ERBB4: variants seen among roughly 807,000 people sequenced by gnomAD.
ERBB4 encodes the protein erb-b2 receptor tyrosine kinase 4.
Under a neutral mutation model 158.0 loss-of-function variants are expected in ERBB4, and 42 were observed. The observed-to-expected ratio is 0.27, with a 90% CI of 0.21 to 0.34. ERBB4 has a LOEUF of 0.34. ERBB4 is among the 10% of genes least tolerant of loss of function. The pLI is 1.00. For synonymous variants in ERBB4, 583 were observed against 558.7 expected (o/e 1.04, Z -0.61); for missense variants, 1,333 against 1,624.1 (o/e 0.82, Z 3.08).
intron 1 of ERBB4, among the ~76,000 whole-genome samples, chr2:212,347,481 A>T (rs959800390): frequency 1.3e-5 from 2 of 152,156 alleles, no homozygotes; most frequent in African/African-American, 4.8e-5. Context: ...TGGAATAGAA[A>T]TAGTGTGACT....
chr2:211,653,152 A>G (rs182786428), intron 16 of ERBB4, among the ~76,000 whole-genome samples: 330 of 152,324 alleles, frequency 2.2e-3, no homozygotes, highest in African/African-American at 7.6e-3. Context: ...GATGGAAAAG[A>G]AAAACCACCA....
At chr2:212,491,564 G>C (rs1690280375) in intron 1 of ERBB4, among the ~76,000 whole-genome samples, 1 of 151,534 alleles carries the variant, frequency 6.6e-6, no homozygotes. Flanking sequence ...GGTCTATCTT[G>C]GTAGATATAA....
intron 1 of ERBB4, among the ~76,000 whole-genome samples, chr2:212,423,875 A>G (rs2091850689): frequency 1.3e-5 from 2 of 152,304 alleles, no homozygotes; most frequent in East Asian, 3.9e-4. Flanking sequence ...CCAATGCTAC[A>G]GGAGAGTGTG....
chr2:211,842,602 G>T (rs1559565581), intron 3 of ERBB4, among the ~76,000 whole-genome samples: 1 of 151,836 alleles, frequency 6.6e-6, no homozygotes, highest in Admixed American at 6.6e-5. Context: ...CAAAGGAACT[G>T]CCATTAAACC....
At chr2:212,172,810 T>C (rs1038439293) in intron 1 of ERBB4, among the ~76,000 whole-genome samples, 2 of 151,310 alleles carry the variant, frequency 1.3e-5, no homozygotes, top group Admixed American at 1.3e-4. Context: ...AGGGAGGGGG[T>C]CAGGAAGAAT....
At chr2:211,739,051 T>C (rs1391025986) in intron 5 of ERBB4, among the ~76,000 whole-genome samples, 3 of 152,190 alleles carry the variant, frequency 2.0e-5, no homozygotes, top group Non-Finnish European at 4.4e-5. Flanking sequence ...CTTCCAGTTA[T>C]ATCACATGTT....
chr2:212,255,813 T>C (rs1038192688), intron 1 of ERBB4, among the ~76,000 whole-genome samples: 4 of 151,932 alleles, frequency 2.6e-5, no homozygotes, highest in African/African-American at 9.7e-5. Context: ...TAGGTGCACA[T>C]AGAATACTTT....
intron 20 of ERBB4, among the ~76,000 whole-genome samples, chr2:211,515,758 C>G (rs1477253302): frequency 1.3e-5 from 2 of 150,988 alleles, no homozygotes; most frequent in African/African-American, 4.9e-5. Flanking sequence ...GATGCCCCTA[C>G]TGTACCACAC....
At chr2:211,614,157 A>T (rs903704810) in intron 19 of ERBB4, among the ~76,000 whole-genome samples, 1 of 152,100 alleles carries the variant, frequency 6.6e-6, no homozygotes, top group African/African-American at 2.4e-5. Flanking sequence ...GTTAAGTGAA[A>T]TCAGCAAGGC....
intron 3 of ERBB4, among the ~76,000 whole-genome samples, chr2:211,850,560 T>C (rs2077693180): frequency 1.3e-5 from 2 of 151,954 alleles, no homozygotes; most frequent in South Asian, 4.1e-4. Context: ...CCAGAACAGA[T>C]GCCTAGTTGG....
chr2:212,306,466 T>G (rs1342950734), intron 1 of ERBB4, among the ~76,000 whole-genome samples: 1 of 151,418 alleles, frequency 6.6e-6, no homozygotes, highest in Non-Finnish European at 1.5e-5. Flanking sequence ...CCCCATTTCT[T>G]TATTTAATTA....
At chr2:211,501,094 T>A (rs2065603012) in intron 20 of ERBB4, among the ~76,000 whole-genome samples, 1 of 145,524 alleles carries the variant, frequency 6.9e-6, no homozygotes, top group African/African-American at 2.6e-5. Flanking sequence ...TAAAAATAAA[T>A]AAAAAGATAA....
chr2:212,441,236 G>A (rs2092247812), intron 1 of ERBB4, among the ~76,000 whole-genome samples: 1 of 152,146 alleles, frequency 6.6e-6, no homozygotes, highest in South Asian at 2.1e-4. Flanking sequence ...CCCCAGTAGT[G>A]GCAACATCCC....
intron 20 of ERBB4, among the ~76,000 whole-genome samples, chr2:211,521,085 A>T (rs2066173949): frequency 6.6e-6 from 1 of 151,948 alleles, no homozygotes; most frequent in Admixed American, 6.5e-5. Context: ...GTTTAAGTAA[A>T]TGGAAGAGTT....
At chr2:212,362,026 A>G (rs996424908) in intron 1 of ERBB4, among the ~76,000 whole-genome samples, 1 of 151,684 alleles carries the variant, frequency 6.6e-6, no homozygotes, top group African/African-American at 2.4e-5. Flanking sequence ...TTCACATAGA[A>G]AGTTTTTTTT....
chr2:211,512,712 A>C (rs1377114373), intron 20 of ERBB4, among the ~76,000 whole-genome samples: 1 of 152,118 alleles, frequency 6.6e-6, no homozygotes, highest in East Asian at 1.9e-4. Flanking sequence ...CTCAAAGTAC[A>C]ATTCTTTAAA....
intron 3 of ERBB4, among the ~76,000 whole-genome samples, chr2:211,881,913 T>G (rs1434828394): frequency 1.3e-5 from 2 of 152,150 alleles, no homozygotes; most frequent in African/African-American, 4.8e-5. Context: ...GCAGTCTTTT[T>G]GGGGGGATGC....
chr2:212,462,917 C>A (rs1688647220), intron 1 of ERBB4, among the ~76,000 whole-genome samples: 1 of 152,042 alleles, frequency 6.6e-6, no homozygotes, highest in Non-Finnish European at 1.5e-5. Flanking sequence ...GAATACTCTT[C>A]AGCCATAAAA....
At chr2:212,260,799 C>T (rs1052526594) in intron 1 of ERBB4, among the ~76,000 whole-genome samples, 5 of 150,828 alleles carry the variant, frequency 3.3e-5, no homozygotes, top group Non-Finnish European at 5.9e-5. Context: ...GGCGACAGAA[C>T]GAGACTCTGT....
Sources: gnomAD v4.1 joint callset for allele counts (sites outside exome capture counted in the v4.1 genomes callset) on GRCh38, gnomAD v4.1.1 for gene constraint, MANE v1.5 for transcripts, NCBI Gene and HGNC (gene_info 2026-07-23, HGNC 2026-07-21) for gene names.